Variants in LMF1 observed in about 807,000 individuals in gnomAD.
The protein encoded by LMF1 is transmembrane protein 112.
A neutral mutation model predicts 60.6 loss-of-function variants in LMF1; 68 were observed. That is an observed-to-expected ratio of 1.12 (90% CI 0.92 to 1.37). The LOEUF is 1.37. Ranked by LOEUF, LMF1 falls within the 40% of genes most tolerant of loss-of-function variation. The probability of loss-of-function intolerance (pLI) is 0.00; values close to 1 mark genes in which losing one functional copy is unlikely to be tolerated. For missense variants in LMF1, 948 were observed against 767.2 expected (o/e 1.24, Z -2.78); for synonymous variants, 418 against 324.7 (o/e 1.29, Z -3.09).
intron 1 of LMF1, among the ~76,000 whole-genome samples, chr16:955,402 G>GCACA (rs1438331649): frequency 2.3e-5 from 1 of 44,210 alleles, no homozygotes; most frequent in Non-Finnish European, 3.8e-5. Flanking sequence ...GTGCATACAC[G>GCACA]CACACACATG....
intron 5 of LMF1, among the ~76,000 whole-genome samples, chr16:887,306 G>A (rs77732138): frequency 0.056 from 8,595 of 152,332 alleles, 597 homozygotes; most frequent in Admixed American, 0.17. Flanking sequence ...CTCTGTGTGA[G>A]CCTTGCGGGG....
chr16:947,143 C>G (rs770462410), intron 2 of LMF1, among the ~76,000 whole-genome samples: 18 of 152,252 alleles, frequency 1.2e-4, no homozygotes, highest in Non-Finnish European at 2.2e-4. Flanking sequence ...GAAGAGACGC[C>G]CAGGGTGGGC....
At chr16:928,200 GC>G (rs2071667144) in intron 3 of LMF1, among the ~76,000 whole-genome samples, 2 of 152,242 alleles carry the variant, frequency 1.3e-5, no homozygotes, top group African/African-American at 2.4e-5. Flanking sequence ...ACGTGGATGG[GC>G]CCCCCCAGCC....
chr16:910,986 G>A lies in LMF1; in HGVS notation c.608C>T (p.Ser203Phe), dbSNP rs1348536993. The change falls in exon 4 of 11, where the codon TCC (serine) becomes TTC (phenylalanine). Residue 203 changes from serine (S) to phenylalanine (F), a missense_variant. Transcript: ENST00000262301. The part of the protein sequence containing the change: ...LSRLPQHTPT[S>F]RIVLWGFRWL... ...CCGGAAGCCCCACAGGACAATCCGG[G>A]ATGTGGGGGTATGCTGGGGCAGCCT... 1 of 1,613,116 alleles carries A rather than the reference G, an allele frequency of 6.2e-7. No homozygotes were observed. The highest frequency in any genetic ancestry group is 8.5e-7 in the Non-Finnish European group (1 of 1,179,880).
At chr16:877,051 G>A (rs532864890) in intron 6 of LMF1, among the ~76,000 whole-genome samples, 1 of 152,294 alleles carries the variant, frequency 6.6e-6, no homozygotes, top group East Asian at 1.9e-4. Flanking sequence ...GAGGACACAG[G>A]CCTTGAGGCC....
chr16:885,412 A>G (rs962948093), intron 5 of LMF1, among the ~76,000 whole-genome samples: 2 of 152,204 alleles, frequency 1.3e-5, no homozygotes, highest in African/African-American at 4.8e-5. Flanking sequence ...ATTGGATGCA[A>G]ACGGCCCAGA....
chr16:921,818 C>A (rs900497125), intron 3 of LMF1, among the ~76,000 whole-genome samples: 1 of 152,064 alleles, frequency 6.6e-6, no homozygotes, highest in Non-Finnish European at 1.5e-5. Flanking sequence ...CCAGGCGGTC[C>A]CCGTGCGGGT....
At chr16:889,305 G>A (rs1472115858) in intron 5 of LMF1, among the ~76,000 whole-genome samples, 1 of 152,192 alleles carries the variant, frequency 6.6e-6, no homozygotes, top group Admixed American at 6.5e-5. Context: ...GCCGGCAACT[G>A]CCTTTCGTTA....
Position 874,385 on chromosome 16 carries a change from G to A in LMF1, c.898-3044C>T, listed in dbSNP as rs1484081168. 1.3e-5 allele frequency among the ~76,000 whole-genome samples: 2 copies of A among 152,150 alleles called. No homozygotes were observed. Among genetic ancestry groups the A allele is most frequent in the Non-Finnish European group, 2.9e-5 (2 of 68,010 alleles). ...GGGGTGGGGCCGGACAGCCCGCTGT[G>A]GGCAGGCGCCTCAGAGGTTCCAGAC... On this transcript the variant is annotated intron_variant, in intron 6 of 10. Transcript: ENST00000262301. This position sits in a 1 kb window ranked among gnomAD's most constrained non-coding sequence, Gnocchi z 4.1.
chr16:867,800 G>C (rs940871497), intron 10 of LMF1, among the ~76,000 whole-genome samples: 2 of 152,140 alleles, frequency 1.3e-5, no homozygotes, highest in Non-Finnish European at 2.9e-5. Flanking sequence ...TACCCGTGCT[G>C]GGGAAGCAGC....
intron 3 of LMF1, among the ~76,000 whole-genome samples, chr16:912,464 C>A (rs1207469678): frequency 6.6e-6 from 1 of 152,236 alleles, no homozygotes; most frequent in Admixed American, 6.5e-5. Flanking sequence ...TGGACTGTAA[C>A]CCAAAGTACA....
At chr16:929,070 T>A (rs947832840) in intron 3 of LMF1, among the ~76,000 whole-genome samples, 2 of 151,962 alleles carry the variant, frequency 1.3e-5, no homozygotes, top group African/African-American at 4.8e-5. Context: ...TCACCACGAG[T>A]GTCTCCTTCC....
At chr16:855,596 C>A in intron 10 of LMF1, 1 of 417,366 alleles carries the variant, frequency 2.4e-6, no homozygotes, top group South Asian at 1.7e-5. Flanking sequence ...GCCCTCCAGG[C>A]CCCTTCGCAG....
At chr16:891,625 G>A (rs1029644510) in intron 5 of LMF1, among the ~76,000 whole-genome samples, 9 of 124,940 alleles carry the variant, frequency 7.2e-5, no homozygotes, top group South Asian at 2.7e-4. Flanking sequence ...CTGGAGACAC[G>A]GGACCCCCCC....
At position 868,938 on chromosome 16, in the gene LMF1, T is replaced by A; in HGVS notation, c.1529+6A>T. ...CCCCTGAGCAGCGGCAGGGAGGGCA[T>A]CCTACCTGGGCGGGGGCCTGCCCGC... On this transcript the variant is annotated splice_donor_region_variant and intron_variant, in intron 10 of 10. Transcript: ENST00000262301. 1 of 1,584,846 alleles carries A rather than the reference T, an allele frequency of 6.3e-7. No individual in the cohort carries two copies. The highest frequency in any genetic ancestry group is 8.6e-7 in the Non-Finnish European group (1 of 1,156,224).
At chr16:921,846 A>C (rs963283840) in intron 3 of LMF1, among the ~76,000 whole-genome samples, 4 of 152,226 alleles carry the variant, frequency 2.6e-5, no homozygotes, top group African/African-American at 9.7e-5. Flanking sequence ...TACAATTCTT[A>C]GGAGAAAAAC....
intron 4 of LMF1, among the ~76,000 whole-genome samples, chr16:909,162 C>G (rs1291443702): frequency 2.0e-5 from 3 of 152,158 alleles, no homozygotes; most frequent in African/African-American, 7.2e-5. Flanking sequence ...CAAGAAATGG[C>G]CAGTTCACTC....
chr16:970,348 A>C (rs1444194630), intron 1 of LMF1, among the ~76,000 whole-genome samples: 2 of 152,158 alleles, frequency 1.3e-5, no homozygotes, highest in Non-Finnish European at 2.9e-5. Context: ...CGGGGACAGC[A>C]GGAGCGCCTC....
At chr16:971,840 G>A (rs1596179581), upstream of LMF1, among the ~76,000 whole-genome samples, 1 of 152,224 alleles carries the variant, frequency 6.6e-6, no homozygotes, top group Non-Finnish European at 1.5e-5. Context: ...GGGGCACTTA[G>A]GTGGAAGTGC....
Sources: gnomAD v4.1 joint callset for allele counts (sites outside exome capture counted in the v4.1 genomes callset) on GRCh38, gnomAD v4.1.1 for gene constraint, Gnocchi (gnomAD v3.1) non-coding constraint, MANE v1.5 for transcripts, NCBI Gene and HGNC (gene_info 2026-07-23, HGNC 2026-07-21) for gene names.